CDC42SE2: variants seen among roughly 807,000 people sequenced by gnomAD.
CDC42SE2 encodes the protein CDC42 small effector 2.
Under a neutral mutation model 11.5 loss-of-function variants are expected in CDC42SE2, and 3 were observed. That is an observed-to-expected ratio of 0.26 (90% CI 0.12 to 0.67). CDC42SE2 has a LOEUF of 0.67. Ranked by LOEUF, CDC42SE2 falls within the 30% of genes least tolerant of loss-of-function variation. CDC42SE2 has a pLI of 0.80. For synonymous variants in CDC42SE2, 33 were observed against 34.8 expected, an observed-to-expected ratio of 0.95 and a Z score of 0.18; for missense variants, 82 against 106.8, an observed-to-expected ratio of 0.77 and a Z score of 1.02.
intron 4 of CDC42SE2, 25 bp downstream of exon 4, chr5:131,385,669 G>A: frequency 6.9e-7 from 1 of 1,454,340 alleles, no homozygotes; most frequent in Non-Finnish European, 9.7e-7. Context: ...GGGACATGCA[G>A]GTAGGGCATT....
chr5:131,287,184 TGG>T (rs1757358758), intron 1 of CDC42SE2, among the ~76,000 whole-genome samples: 1 of 151,820 alleles, frequency 6.6e-6, no homozygotes, highest in African/African-American at 2.4e-5. Flanking sequence ...TAGTAGAGAC[TGG>T]GTTTCACCAT....
intron 2 of CDC42SE2, among the ~76,000 whole-genome samples, chr5:131,329,401 C>T (rs924210567): frequency 7.2e-5 from 11 of 152,050 alleles, no homozygotes; most frequent in Non-Finnish European, 1.3e-4. Flanking sequence ...TTCTTCCCTA[C>T]GGTTGATTTT....
chr5:131,313,198 G>A (rs1468322979), intron 1 of CDC42SE2, among the ~76,000 whole-genome samples: 18 of 151,892 alleles, frequency 1.2e-4, no homozygotes, highest in Admixed American at 1.2e-3. Flanking sequence ...TAGCCAGGAT[G>A]GTCTCCATCT....
At chr5:131,292,240 CAAAAAA>C (rs1202956370) in intron 1 of CDC42SE2, among the ~76,000 whole-genome samples, 9 of 25,626 alleles carry the variant, frequency 3.5e-4, no homozygotes, top group Middle Eastern at 0.024. Flanking sequence ...TCTGTCTCAC[CAAAAAA>C]AAAAAAAAAA....
At chr5:131,350,470 C>T (rs925758893) in intron 2 of CDC42SE2, among the ~76,000 whole-genome samples, 12 of 151,768 alleles carry the variant, frequency 7.9e-5, no homozygotes, top group Non-Finnish European at 1.6e-4. Context: ...GATTCATAAT[C>T]CTGAGATAAA....
At chr5:131,337,709 G>A (rs991986367) in intron 2 of CDC42SE2, among the ~76,000 whole-genome samples, 1 of 152,210 alleles carries the variant, frequency 6.6e-6, no homozygotes, top group African/African-American at 2.4e-5. Context: ...TTTGCAGTTT[G>A]ATCTCAGACT....
chr5:131,345,809 A>G (rs1758827794), intron 2 of CDC42SE2, among the ~76,000 whole-genome samples: 1 of 152,226 alleles, frequency 6.6e-6, no homozygotes, highest in Non-Finnish European at 1.5e-5. Flanking sequence ...TCTTGGCAGA[A>G]ACTCTATAAG....
chr5:131,350,633 G>A (rs1285310532), intron 2 of CDC42SE2, among the ~76,000 whole-genome samples: 4 of 140,098 alleles, frequency 2.9e-5, no homozygotes, highest in African/African-American at 1.2e-4. Flanking sequence ...GTGTGTGTGT[G>A]TGTGTATATA....
At chr5:131,262,110 C>T (rs991314176), upstream of CDC42SE2, among the ~76,000 whole-genome samples, 2 of 151,228 alleles carry the variant, frequency 1.3e-5, no homozygotes, top group Non-Finnish European at 2.9e-5. Context: ...AAGGTTACTA[C>T]ATTTGTAATT....
At chr5:131,337,539 T>C (rs1461956158) in intron 2 of CDC42SE2, among the ~76,000 whole-genome samples, 1 of 152,176 alleles carries the variant, frequency 6.6e-6, no homozygotes, top group Non-Finnish European at 1.5e-5. Flanking sequence ...ATTGCTGTCT[T>C]TTGTTTGTCT....
chr5:131,392,218 G>A lies in CDC42SE2; in HGVS notation c.*1127G>A, dbSNP rs1172206571. The stretch of plus-strand genomic sequence containing the variant: ...GCCTTACGATTTTATTGGAAAGCAA[G>A]GACCTGCTATTATTTGTTAATTTGC... On this transcript the variant is annotated 3_prime_UTR_variant, in exon 5 of 5. Coordinates refer to ENST00000505065, the MANE Select transcript of CDC42SE2 (RefSeq NM_001375635.1). The A allele has an allele frequency of 1.3e-5, 2 of 152,542 alleles. No individual in the cohort carries two copies. Among genetic ancestry groups the A allele is most frequent in the Non-Finnish European group, 2.9e-5 (2 of 68,012 alleles). 9.4% of individuals were successfully genotyped at this position (152,542 alleles called of 1,614,324 possible). A position where few individuals can be genotyped will look rare whatever the true frequency, so the allele number is the denominator to read the frequency against.
intron 3 of CDC42SE2, among the ~76,000 whole-genome samples, chr5:131,361,549 A>G (rs575138765): frequency 6.6e-6 from 1 of 152,186 alleles, no homozygotes; most frequent in South Asian, 2.1e-4. Context: ...GGCGTGTGTT[A>G]CAGGGTGCTT....
intron 1 of CDC42SE2, among the ~76,000 whole-genome samples, chr5:131,285,373 G>T (rs1414990022): frequency 6.6e-6 from 1 of 152,096 alleles, no homozygotes; most frequent in Non-Finnish European, 1.5e-5. Flanking sequence ...AGAAAAGCAG[G>T]ATCATCAGTG....
intron 4 of CDC42SE2, among the ~76,000 whole-genome samples, chr5:131,389,441 C>T (rs766214908): frequency 1.1e-4 from 16 of 152,116 alleles, no homozygotes; most frequent in Non-Finnish European, 8.8e-5. Flanking sequence ...TGATGTCATA[C>T]GAATAAGATG....
chr5:131,268,363 A>G lies in CDC42SE2; in HGVS notation c.-455+4197A>G, dbSNP rs183063500. 2.8e-3 allele frequency among the ~76,000 whole-genome samples: 419 copies of G among 151,778 alleles called. 2 individuals carry two copies. Among genetic ancestry groups the G allele is most frequent in the African/African-American group, 9.7e-3 (403 of 41,396 alleles). Reference sequence around the variant, plus strand: ...CAGGCGTGAGCCACCGTGCCCGGTCAAGCTTATTCTTAATATTTACTTGCT... The same window carrying G: ...CAGGCGTGAGCCACCGTGCCCGGTCGAGCTTATTCTTAATATTTACTTGCT... On this transcript the variant is annotated intron_variant, in intron 1 of 4. Coordinates refer to ENST00000505065, the MANE Select transcript of CDC42SE2 (RefSeq NM_001375635.1).
At chr5:131,241,192 A>C (rs1040788440), upstream of CDC42SE2, among the ~76,000 whole-genome samples, 27 of 151,564 alleles carry the variant, frequency 1.8e-4, no homozygotes, top group African/African-American at 6.5e-4. Context: ...GTTAGCCAGG[A>C]TGGTCTCGAT....
the CDC42SE2 span, among the ~76,000 whole-genome samples, chr5:131,223,377 T>A: frequency 6.6e-6 from 1 of 152,020 alleles, no homozygotes; most frequent in Non-Finnish European, 1.5e-5. Context: ...TGGGAAGATG[T>A]CTGGGGGGGC....
In CDC42SE2 at chr5:131,385,639, A is replaced by C; in HGVS notation, c.151A>C (p.Asn51His). The change falls in exon 4 of 5, where the codon AAT (asparagine) becomes CAT (histidine). Residue 51 changes from asparagine (N) to histidine (H), a missense_variant. Asn to His is a moderately conservative substitution (Grantham distance 68, BLOSUM62 1). Transcript: ENST00000505065. ...ATCAGGAGACCTGTTCAGTGGAATG[A>C]ATTCAGTAAGTATGTTGGTGGGACA... Reference protein sequence around the residue: ...VGSGDLFSGMNSVSSIQNQMQ... With the variant: ...VGSGDLFSGMHSVSSIQNQMQ... 1 of 1,604,850 alleles carries C rather than the reference A, an allele frequency of 6.2e-7. No individual in the cohort carries two copies.
intron 2 of CDC42SE2, among the ~76,000 whole-genome samples, chr5:131,320,507 C>T (rs989621816): frequency 2.0e-5 from 3 of 151,800 alleles, no homozygotes; most frequent in African/African-American, 2.4e-5. Flanking sequence ...TTTGGGAGGC[C>T]GAGGAGGGTG....
Sources: allele counts gnomAD v4.1 joint callset (sites outside exome capture counted in the v4.1 genomes callset), GRCh38; gene constraint gnomAD v4.1.1; transcripts MANE v1.5; gene names NCBI Gene and HGNC (gene_info 2026-07-23, HGNC 2026-07-21).